CACNA1C: variants seen among roughly 807,000 people sequenced by gnomAD.
CACNA1C encodes calcium voltage-gated channel subunit alpha1 C, also known as voltage-dependent L-type calcium channel subunit alpha-1C.
A neutral mutation model predicts 229.0 loss-of-function variants in CACNA1C; 30 were observed. That is an observed-to-expected ratio of 0.13 (90% confidence interval 0.10 to 0.18). CACNA1C has a LOEUF of 0.18. CACNA1C is among the 10% of genes least tolerant of loss of function. The pLI is 1.00. For missense variants in CACNA1C, 1,658 were observed against 2,845.0 expected (o/e 0.58, Z 9.49); for synonymous variants, 1,114 against 1,132.5 (o/e 0.98, Z 0.33).
chr12:2,004,333 G>A (rs1357517540), intron 1 of CACNA1C: 1 of 1,613,418 alleles, frequency 6.2e-7, no homozygotes, highest in Non-Finnish European at 8.5e-7. Flanking sequence ...GGCTGGCCAC[G>A]TCCACGATGC....
rs914637442 is a variant in CACNA1C at position 2,164,175 on chromosome 12, T to G, written c.477+43745T>G. ...ATCCATGTTGGGGCTTTTAAGAATATCCCCTTGCACCATTTTATGACTGCT... is the reference window on the plus strand; with the variant it reads ...ATCCATGTTGGGGCTTTTAAGAATAGCCCCTTGCACCATTTTATGACTGCT... On this transcript the variant is annotated intron_variant, in intron 3 of 46. Coordinates refer to ENST00000399655, the MANE Select transcript of CACNA1C (RefSeq NM_000719.7). Among the ~76,000 whole-genome samples, 3 of 152,296 alleles carry G rather than the reference T, an allele frequency of 2.0e-5. No individual in the cohort carries two copies. In the South Asian group the frequency reaches 6.2e-4, roughly 32 times the overall value.
intron 29 of CACNA1C, among the ~76,000 whole-genome samples, chr12:2,616,605 C>G (rs2153476586): frequency 6.6e-6 from 1 of 152,366 alleles, no homozygotes; most frequent in Non-Finnish European, 1.5e-5. Flanking sequence ...TGCGAGCCCC[C>G]ATAGGGCGTG....
Position 2,310,352 on chromosome 12 carries a change from A to AATATATAT in CACNA1C, c.478-138611_478-138604dup, listed in dbSNP as rs35448122. ...CCTCTGCCTCCCAGTTAAAAAAAAA[A>AATATATAT]ATATATATATATATATATATGTATG... On this transcript the variant is annotated intron_variant, in intron 3 of 46. Coordinates refer to ENST00000399655, the MANE Select transcript of CACNA1C (RefSeq NM_000719.7). 4.6e-3 allele frequency among the ~76,000 whole-genome samples: 647 copies of AATATATAT among 139,818 alleles called. 4 individuals are homozygous for AATATATAT. Among genetic ancestry groups the AATATATAT allele is most frequent in the African/African-American group, 0.015 (555 of 37,628 alleles). The allele number at this position is 139,818 out of a possible 152,430, so 91.7% of individuals were successfully genotyped here. A position where few individuals can be genotyped will look rare whatever the true frequency, so the allele number is the denominator to read the frequency against.
intron 13 of CACNA1C, among the ~76,000 whole-genome samples, chr12:2,578,109 C>A (rs2059198542): frequency 6.6e-6 from 1 of 152,046 alleles, no homozygotes; most frequent in South Asian, 2.1e-4. Flanking sequence ...ACCTCGTGAT[C>A]CGCCCGCCTC....
At chr12:2,106,487 C>T (rs2078681917) in intron 1 of CACNA1C, among the ~76,000 whole-genome samples, 1 of 108,790 alleles carries the variant, frequency 9.2e-6, no homozygotes. Flanking sequence ...GGAGCCCACC[C>T]CGGGGAGGGT....
rs370525393 is a variant in CACNA1C at position 2,578,119 on chromosome 12, C to T, written c.1896-3471C>T. Reference sequence around the variant, plus strand: ...TCCTGACCTCGTGATCCGCCCGCCTCGGCCTCCCAAAGTGCTGGGATTACA... The same window carrying T: ...TCCTGACCTCGTGATCCGCCCGCCTTGGCCTCCCAAAGTGCTGGGATTACA... On this transcript the variant is annotated intron_variant, in intron 13 of 46. Coordinates refer to ENST00000399655, the MANE Select transcript of CACNA1C (RefSeq NM_000719.7). Among the ~76,000 whole-genome samples the T allele has an allele frequency of 1.8e-3, 281 of 152,186 alleles. 1 individual carries two copies. Among genetic ancestry groups the T allele is most frequent in the Non-Finnish European group, 3.3e-3 (223 of 67,996 alleles).
intron 9 of CACNA1C, among the ~76,000 whole-genome samples, chr12:2,528,230 C>T (rs2099828717): frequency 6.6e-6 from 1 of 152,206 alleles, no homozygotes; most frequent in Non-Finnish European, 1.5e-5. Flanking sequence ...CAGTTGGCCT[C>T]TCCCAGTTTC....
At chr12:2,058,551 A>C (rs1387953571) in intron 1 of CACNA1C, among the ~76,000 whole-genome samples, 2 of 152,236 alleles carry the variant, frequency 1.3e-5, no homozygotes, top group African/African-American at 4.8e-5. Context: ...GGCATGGGGA[A>C]TTGTTTTGCA....
chr12:2,490,994 T>A (rs971346912), intron 6 of CACNA1C, among the ~76,000 whole-genome samples: 1 of 152,172 alleles, frequency 6.6e-6, no homozygotes, highest in Non-Finnish European at 1.5e-5. Flanking sequence ...AATCCAGACG[T>A]CCATCAGCTG....
chr12:2,261,305 A>T (rs1371997884), intron 3 of CACNA1C, among the ~76,000 whole-genome samples: 1 of 152,202 alleles, frequency 6.6e-6, no homozygotes, highest in Non-Finnish European at 1.5e-5. Flanking sequence ...TCTGAAAAAT[A>T]ATTTTTTTGT....
intron 3 of CACNA1C, among the ~76,000 whole-genome samples, chr12:2,209,862 T>C (rs2097864280): frequency 6.6e-6 from 1 of 152,226 alleles, no homozygotes; most frequent in Admixed American, 6.5e-5. Context: ...TCAGAAGGTT[T>C]AAGATACAGT....
At chr12:2,447,841 G>T (rs1015807138) in intron 3 of CACNA1C, among the ~76,000 whole-genome samples, 1 of 152,218 alleles carries the variant, frequency 6.6e-6, no homozygotes, top group Non-Finnish European at 1.5e-5. Context: ...CCTCTGACTC[G>T]CAGAGGAGGG....
chr12:2,439,154 G>T (rs952547024), intron 3 of CACNA1C, among the ~76,000 whole-genome samples: 3 of 152,202 alleles, frequency 2.0e-5, no homozygotes, highest in Non-Finnish European at 2.9e-5. Flanking sequence ...GCCTTATGAG[G>T]ACCTGACAGC....
At chr12:2,156,341 C>T (rs771086932) in intron 3 of CACNA1C, among the ~76,000 whole-genome samples, 5 of 152,032 alleles carry the variant, frequency 3.3e-5, no homozygotes, top group Admixed American at 1.3e-4. Context: ...AAGCTAGTAG[C>T]GTAAAAATTG....
intron 3 of CACNA1C, among the ~76,000 whole-genome samples, chr12:2,278,003 A>G (rs982466596): frequency 2.0e-5 from 3 of 152,164 alleles, no homozygotes; most frequent in Non-Finnish European, 4.4e-5. Flanking sequence ...CAGGCCACCC[A>G]TGCTGGGTGC....
chr12:2,570,896 C>T (rs147882149), intron 13 of CACNA1C, among the ~76,000 whole-genome samples: 57 of 152,316 alleles, frequency 3.7e-4, no homozygotes, highest in Admixed American at 1.6e-3. Flanking sequence ...CCTTCTTTCC[C>T]TCTCTGACCC....
chr12:2,145,659 G>A (rs988038838), intron 3 of CACNA1C, among the ~76,000 whole-genome samples: 1 of 151,236 alleles, frequency 6.6e-6, no homozygotes, highest in African/African-American at 2.4e-5. Flanking sequence ...GGTACCTGCG[G>A]GCTTAAGTAG....
At chr12:2,577,870 C>CTT (rs34284324) in intron 13 of CACNA1C, among the ~76,000 whole-genome samples, 3 of 138,126 alleles carry the variant, frequency 2.2e-5, no homozygotes, top group African/African-American at 5.2e-5. Flanking sequence ...AGTAATTATT[C>CTT]TTTTTTTTTT....
chr12:2,420,739 C>T (rs1450316073), intron 3 of CACNA1C, among the ~76,000 whole-genome samples: 1 of 152,184 alleles, frequency 6.6e-6, no homozygotes, highest in Admixed American at 6.5e-5. Context: ...AGAGCCGGGA[C>T]CTGGGTAGGA....
Sources: gnomAD v4.1 joint callset for allele counts (sites outside exome capture counted in the v4.1 genomes callset) on GRCh38, gnomAD v4.1.1 for gene constraint, MANE v1.5 for transcripts, NCBI Gene and HGNC (gene_info 2026-07-23, HGNC 2026-07-21) for gene names.